The following USP48 variants were observed in gnomAD, a reference collection of about 807,000 sequenced individuals.
USP48 encodes ubiquitin specific peptidase 48.
USP48 carries 43 observed loss-of-function variants against 150.7 expected under a neutral mutation model. The observed-to-expected ratio is 0.29, with a 90% confidence interval of 0.22 to 0.37. The LOEUF (loss-of-function observed/expected upper bound fraction) is 0.37, where lower values mean the gene tolerates loss of function less well. Among genes scored for constraint, USP48 ranks in the 10% least tolerant of loss-of-function variants. USP48 has a pLI of 1.00. For missense variants in USP48, 813 were observed against 1,249.6 expected (o/e 0.65, Z 5.27); for synonymous variants, 396 against 425.9 (o/e 0.93, Z 0.86).
At chr1:21,729,176 G>A (rs937772593) in intron 10 of USP48, among the ~76,000 whole-genome samples, 3 of 151,894 alleles carry the variant, frequency 2.0e-5, no homozygotes, top group Admixed American at 6.6e-5. Flanking sequence ...CCAGCTACTC[G>A]GGAGGCTGAG....
chr1:21,753,843 A>C (rs1184573958), intron 3 of USP48, among the ~76,000 whole-genome samples: 2 of 149,534 alleles, frequency 1.3e-5, no homozygotes, highest in Non-Finnish European at 3.0e-5. Context: ...AAAAAAAAAA[A>C]AAAAACTTTA....
chr1:21,748,292 T>C (rs571128657), intron 6 of USP48, 21 bp from the exon 7 acceptor site: 13 of 1,590,756 alleles, frequency 8.2e-6, no homozygotes, highest in South Asian at 3.4e-5. Flanking sequence ...ATAAGACATA[T>C]TAATTTTAAA....
At chr1:21,680,713 A>G in intron 26 of USP48, 95 bp downstream of exon 26, 1 of 1,215,164 alleles carries the variant, frequency 8.2e-7, no homozygotes. Context: ...CTCAGATTGG[A>G]TTAAAATTTA....
At chr1:21,766,242 G>A (rs12240098) in intron 1 of USP48, among the ~76,000 whole-genome samples, 17,383 of 151,886 alleles carry the variant, frequency 0.11, 1,200 homozygotes, top group African/African-American at 0.18. Flanking sequence ...GTTTGGTGGC[G>A]AATGCTTGTA....
At chr1:21,734,365 C>T (rs2097763947) in intron 9 of USP48, among the ~76,000 whole-genome samples, 1 of 152,006 alleles carries the variant, frequency 6.6e-6, no homozygotes, top group Non-Finnish European at 1.5e-5. Context: ...TGCCACTGTA[C>T]TCCAGCCTGG....
intron 10 of USP48, 86 bp from the exon 11 acceptor site, chr1:21,728,805 C>A (rs2097747178): frequency 6.9e-6 from 10 of 1,457,446 alleles, no homozygotes; most frequent in Non-Finnish European, 9.2e-6. Flanking sequence ...ATATCAAATA[C>A]TGATTAAAAC....
At chr1:21,681,673 TTTG>T (rs1284299319) in intron 25 of USP48, among the ~76,000 whole-genome samples, 1 of 152,112 alleles carries the variant, frequency 6.6e-6, no homozygotes, top group Non-Finnish European at 1.5e-5. Flanking sequence ...TGAAGTGGTG[TTTG>T]TTGTTGTTAA....
intron 3 of USP48, 68 bp downstream of exon 3, chr1:21,756,474 CAAAA>C (rs35545280): frequency 2.0e-3 from 2,295 of 1,168,266 alleles, no homozygotes; most frequent in Admixed American, 2.7e-3. Flanking sequence ...GAGGAAGACT[CAAAA>C]AAAAAAAAAA....
chr1:21,706,734 C>T lies in USP48; in HGVS notation c.2088+10G>A, dbSNP rs2097673808. 2 of 1,610,818 alleles carry T rather than the reference C, an allele frequency of 1.2e-6. No homozygotes were observed. The highest frequency in any genetic ancestry group is 1.1e-5 in the South Asian group (1 of 90,660). On this transcript the variant is annotated intron_variant, in intron 16 of 26. Transcript: ENST00000308271. ...ATGCCATTTCCCCAGATGTCAGTAG[C>T]GTTCAGTACCTTGCACTGTGAACAG...
chr1:21,729,635 C>T, intron 10 of USP48, 69 bp downstream of exon 10: 2 of 1,549,448 alleles, frequency 1.3e-6, no homozygotes, highest in Non-Finnish European at 1.8e-6. Flanking sequence ...CAATCCATTA[C>T]TTATCATTAA....
intron 1 of USP48, among the ~76,000 whole-genome samples, chr1:21,759,694 G>A (rs2097845657): frequency 6.6e-6 from 1 of 152,082 alleles, no homozygotes; most frequent in Admixed American, 6.6e-5. Context: ...ATGAGTAATA[G>A]GATTATAACC....
chr1:21,742,814 A>G (rs1192606610), intron 8 of USP48, among the ~76,000 whole-genome samples: 1 of 152,258 alleles, frequency 6.6e-6, no homozygotes, highest in South Asian at 2.1e-4. Flanking sequence ...GATGGCATGT[A>G]TCCTAGCCCT....
chr1:21,735,386 A>AG (rs397714583), intron 9 of USP48, among the ~76,000 whole-genome samples: 1 of 150,608 alleles, frequency 6.6e-6, no homozygotes, highest in Non-Finnish European at 1.5e-5. Context: ...GGACTGTTAA[A>AG]CTCAGGAGTT....
chr1:21,728,327 G>A (rs1020810624), intron 11 of USP48: 88 of 1,256,520 alleles, frequency 7.0e-5, no homozygotes, highest in Non-Finnish European at 8.4e-5. Flanking sequence ...GATGCAGAGT[G>A]CTGACCTAAA....
At chr1:21,768,262 C>A in intron 1 of USP48, 2 of 160,642 alleles carry the variant, frequency 1.2e-5, no homozygotes. Context: ...CCTCACTCAA[C>A]TCCAATATGG....
chr1:21,729,294 A>G (rs1245538957), intron 10 of USP48, among the ~76,000 whole-genome samples: 2 of 151,924 alleles, frequency 1.3e-5, no homozygotes, highest in East Asian at 1.9e-4. Flanking sequence ...AAAAAAAAAA[A>G]AAAGAAAGAA....
In USP48 at chr1:21,728,414, T is replaced by C. The variant is rs1043885272; in HGVS notation, c.1450+156A>G. 6.3e-6 allele frequency: 9 copies of C among 1,418,136 alleles called. No individual in the cohort carries two copies. The Admixed American group carries it at 2.7e-4, about 43-fold the overall frequency. 87.8% of individuals were successfully genotyped at this position (1,418,136 alleles called of 1,614,324 possible). ...TAATATGGAATGCTACACATCAAGTTATTGTTGGTTTACAAAGTACTTTTA... is the reference window on the plus strand; with the variant it reads ...TAATATGGAATGCTACACATCAAGTCATTGTTGGTTTACAAAGTACTTTTA... On this transcript the variant is annotated intron_variant, in intron 11 of 26. Coordinates refer to ENST00000308271, the MANE Select transcript of USP48 (RefSeq NM_032236.8).
chr1:21,699,814 C>CCACA (rs10660046), intron 22 of USP48, among the ~76,000 whole-genome samples: 3,737 of 149,206 alleles, frequency 0.025, 68 homozygotes, highest in Middle Eastern at 0.062. Flanking sequence ...CTGCGCCTGG[C>CCACA]CACACACACA....
At position 21,725,473 on chromosome 1, in the gene USP48, T is replaced by G. The variant is rs1478428824; in HGVS notation, c.1451-1378A>C. On this transcript the variant is annotated intron_variant, in intron 11 of 26. Transcript: ENST00000308271. Reference sequence around the variant, plus strand: ...AATATATAAAAGAGGAGACCTTGGCTGGGCATGGTGGCTCACGCCTGTAAT... The same window carrying G: ...AATATATAAAAGAGGAGACCTTGGCGGGGCATGGTGGCTCACGCCTGTAAT... Among the ~76,000 whole-genome samples the G allele has an allele frequency of 2.0e-5, 3 of 152,276 alleles. No individual in the cohort carries two copies. The East Asian group carries it at 5.8e-4, about 29-fold the overall frequency.
Sources: allele counts gnomAD v4.1 joint callset (sites outside exome capture counted in the v4.1 genomes callset), GRCh38; gene constraint gnomAD v4.1.1; transcripts MANE v1.5; gene names NCBI Gene and HGNC (gene_info 2026-07-23, HGNC 2026-07-21).